Variants in SIPA1L1 observed in about 807,000 individuals in gnomAD.
SIPA1L1 encodes the protein signal-induced proliferation-associated 1-like protein 1.
Under a neutral mutation model 162.7 loss-of-function variants are expected in SIPA1L1, and 26 were observed. The ratio of observed to expected loss-of-function variants is 0.16; its 90% CI spans 0.12 to 0.22. The LOEUF is 0.22. Among genes scored for constraint, SIPA1L1 ranks in the 10% least tolerant of loss-of-function variants. The pLI is 1.00. For missense variants in SIPA1L1, 1,874 were observed against 2,241.0 expected (o/e 0.84, Z 3.31); for synonymous variants, 829 against 837.4 (o/e 0.99, Z 0.17).
At chr14:71,655,778 TG>T (rs2043003129) in intron 8 of SIPA1L1, among the ~76,000 whole-genome samples, 1 of 152,196 alleles carries the variant, frequency 6.6e-6, no homozygotes. Flanking sequence ...TTTTGAGAAG[TG>T]TCTATTTGTG....
chr14:71,460,606 G>A (rs776163592), intron 2 of SIPA1L1, among the ~76,000 whole-genome samples: 4 of 152,104 alleles, frequency 2.6e-5, no homozygotes, highest in Admixed American at 1.3e-4. Context: ...TGGAATCATC[G>A]TTGTGTCTCC....
intron 16 of SIPA1L1, among the ~76,000 whole-genome samples, chr14:71,706,959 C>A (rs1336812984): frequency 6.7e-6 from 1 of 150,360 alleles, no homozygotes; most frequent in Non-Finnish European, 1.5e-5. Flanking sequence ...CGCTTGAACC[C>A]GGGAGGCAGA....
intron 2 of SIPA1L1, among the ~76,000 whole-genome samples, chr14:71,332,906 C>G (rs1006333477): frequency 6.6e-6 from 1 of 152,022 alleles, no homozygotes; most frequent in Non-Finnish European, 1.5e-5. Flanking sequence ...AGATTTAGGC[C>G]TTTTTATAGA....
At position 71,698,980 on chromosome 14, in the gene SIPA1L1, G is replaced by A; in HGVS notation, c.3375-1G>A. On this transcript the variant is annotated splice_acceptor_variant, in intron 13 of 23. Coordinates refer to ENST00000381232, the MANE Select transcript of SIPA1L1 (RefSeq NM_001386936.1). LOFTEE classifies it high-confidence loss of function. ...TTCATGTTTTTGTATTGCACATGCA[G>A]GCTGTCTCCTGGTTCGGACATCTAT... The A allele has an allele frequency of 6.2e-7, 1 of 1,614,160 alleles. No homozygotes were observed. Among genetic ancestry groups the A allele is most frequent in the South Asian group, 1.1e-5 (1 of 91,084 alleles).
chr14:71,630,815 C>G (rs954974211), intron 7 of SIPA1L1, among the ~76,000 whole-genome samples: 1 of 151,882 alleles, frequency 6.6e-6, no homozygotes, highest in African/African-American at 2.4e-5. Flanking sequence ...TTTCATTATG[C>G]AGATACCACC....
chr14:71,562,961 G>C (rs1246828258), intron 4 of SIPA1L1, among the ~76,000 whole-genome samples: 1 of 152,018 alleles, frequency 6.6e-6, no homozygotes, highest in South Asian at 2.1e-4. Context: ...CTTTATTATT[G>C]TTCATAGCAC....
chr14:71,518,170 G>C (rs1253511535), intron 3 of SIPA1L1, among the ~76,000 whole-genome samples: 1 of 151,932 alleles, frequency 6.6e-6, no homozygotes, highest in Admixed American at 6.6e-5. Flanking sequence ...TGTAGTTTCA[G>C]TTACTTGGGA....
intron 2 of SIPA1L1, among the ~76,000 whole-genome samples, chr14:71,466,592 A>G (rs1471734501): frequency 6.6e-6 from 1 of 152,156 alleles, no homozygotes; most frequent in Non-Finnish European, 1.5e-5. Flanking sequence ...AAAAAAAAAA[A>G]AAAACAGTAA....
intron 2 of SIPA1L1, among the ~76,000 whole-genome samples, chr14:71,398,881 C>G (rs1488803480): frequency 6.6e-6 from 1 of 152,204 alleles, no homozygotes; most frequent in Non-Finnish European, 1.5e-5. Context: ...TCATCATGAT[C>G]TTTGGAGCTC....
intron 5 of SIPA1L1, among the ~76,000 whole-genome samples, chr14:71,616,354 GATA>G (rs1003680741): frequency 6.6e-6 from 1 of 152,162 alleles, no homozygotes; most frequent in African/African-American, 2.4e-5. Flanking sequence ...GAAGTCAGAT[GATA>G]ATTCTGAAGT....
At chr14:71,579,275 T>C (rs1294771545) in intron 4 of SIPA1L1, among the ~76,000 whole-genome samples, 2 of 152,186 alleles carry the variant, frequency 1.3e-5, no homozygotes, top group Non-Finnish European at 2.9e-5. Flanking sequence ...TTCATGACAT[T>C]CCTTACTTTT....
At chr14:71,364,444 A>T (rs1439657689) in intron 2 of SIPA1L1, among the ~76,000 whole-genome samples, 1 of 152,178 alleles carries the variant, frequency 6.6e-6, no homozygotes, top group Non-Finnish European at 1.5e-5. Context: ...AAATGGAATT[A>T]TACAGTATAT....
At chr14:71,430,232 T>C (rs377706494) in intron 2 of SIPA1L1, among the ~76,000 whole-genome samples, 1 of 151,970 alleles carries the variant, frequency 6.6e-6, no homozygotes, top group African/African-American at 2.4e-5. Context: ...AAAGTAAGAA[T>C]GGTATTTATT....
chr14:71,584,485 G>C (rs1321381019), intron 4 of SIPA1L1, among the ~76,000 whole-genome samples: 3 of 152,212 alleles, frequency 2.0e-5, no homozygotes, highest in African/African-American at 7.2e-5. Context: ...CTTCTTACTT[G>C]TCTGTGTCTC....
At chr14:71,320,534 G>A (rs949955336) in intron 1 of SIPA1L1, 31 bp downstream of exon 1, 1 of 152,450 alleles carries the variant, frequency 6.6e-6, no homozygotes, top group African/African-American at 2.4e-5. Context: ...CCGGCTGGAG[G>A]GTCCCCGGGG....
intron 2 of SIPA1L1, among the ~76,000 whole-genome samples, chr14:71,469,016 TTCTAAG>T (rs1416943655): frequency 6.6e-6 from 1 of 152,196 alleles, no homozygotes; most frequent in Non-Finnish European, 1.5e-5. Flanking sequence ...TTCCCTTACT[TTCTAAG>T]TCTTTTTCCA....
chr14:71,686,792 G>A (rs138655956), intron 13 of SIPA1L1, among the ~76,000 whole-genome samples: 208 of 152,298 alleles, frequency 1.4e-3, no homozygotes, highest in Non-Finnish European at 2.5e-3. Context: ...ATGTTGTTGT[G>A]AAAACCCTTA....
chr14:71,341,337 T>C (rs1388316334), intron 2 of SIPA1L1, among the ~76,000 whole-genome samples: 4 of 152,232 alleles, frequency 2.6e-5, no homozygotes, highest in Admixed American at 6.5e-5. Context: ...GGTGAAATGC[T>C]TTCTTTTTCA....
intron 3 of SIPA1L1, among the ~76,000 whole-genome samples, chr14:71,524,931 T>TA (rs2052710769): frequency 1.3e-5 from 2 of 152,192 alleles, no homozygotes. Context: ...TTTCCATTCT[T>TA]ACCTCTATGG....
Sources: allele counts gnomAD v4.1 joint callset (sites outside exome capture counted in the v4.1 genomes callset), GRCh38; gene constraint gnomAD v4.1.1; transcripts MANE v1.5; gene names NCBI Gene and HGNC (gene_info 2026-07-23, HGNC 2026-07-21).